ZNF704: variants seen among roughly 807,000 people sequenced by gnomAD.
ZNF704 encodes the protein zinc finger protein 704.
A neutral mutation model predicts 44.7 loss-of-function variants in ZNF704; 10 were observed. The observed-to-expected ratio is 0.22, with a 90% CI of 0.14 to 0.38. ZNF704 has a LOEUF of 0.38. Among genes scored for constraint, ZNF704 ranks in the 10% least tolerant of loss-of-function variants. The pLI, the probability that ZNF704 is intolerant of heterozygous loss-of-function variation, is 1.00. For synonymous variants in ZNF704, 211 were observed against 207.6 expected, an observed-to-expected ratio of 1.02 and a Z score of -0.14; for missense variants, 390 against 545.5, an observed-to-expected ratio of 0.71 and a Z score of 2.84.
chr8:80,725,695 T>C (rs779173958), intron 2 of ZNF704, among the ~76,000 whole-genome samples: 1 of 152,138 alleles, frequency 6.6e-6, no homozygotes, highest in Non-Finnish European at 1.5e-5. Context: ...ATATCCTTCA[T>C]GAAAAATAGA....
chr8:80,694,354 C>T (rs1223018824), intron 2 of ZNF704: 1 of 152,110 alleles, frequency 6.6e-6, no homozygotes, highest in Non-Finnish European at 1.5e-5. Context: ...CCGGAGTCAA[C>T]TTGTTTAAGC....
intron 2 of ZNF704, among the ~76,000 whole-genome samples, chr8:80,793,084 G>A (rs1344492977): frequency 6.6e-6 from 1 of 152,170 alleles, no homozygotes; most frequent in Non-Finnish European, 1.5e-5. Context: ...AATATTTGCT[G>A]ACTAAAAATG....
intron 5 of ZNF704, among the ~76,000 whole-genome samples, chr8:80,669,820 C>A (rs1409423078): frequency 1.3e-5 from 2 of 152,144 alleles, no homozygotes; most frequent in Non-Finnish European, 2.9e-5. Context: ...GACGGAATAC[C>A]ACTGCCCCCC....
chr8:80,775,949 G>A (rs1807403715), intron 2 of ZNF704, among the ~76,000 whole-genome samples: 1 of 152,004 alleles, frequency 6.6e-6, no homozygotes, highest in East Asian at 1.9e-4. Context: ...TCATAAAGTG[G>A]GCTTTAAAAT....
intron 2 of ZNF704, among the ~76,000 whole-genome samples, chr8:80,785,628 C>G (rs1807601838): frequency 6.6e-6 from 1 of 152,216 alleles, no homozygotes; most frequent in African/African-American, 2.4e-5. Flanking sequence ...CTGTCCCCAG[C>G]TTTAGCCACT....
chr8:80,691,870 T>C (rs1350009118), intron 3 of ZNF704, among the ~76,000 whole-genome samples: 1 of 152,178 alleles, frequency 6.6e-6, no homozygotes, highest in Non-Finnish European at 1.5e-5. Context: ...CCAGTGAATG[T>C]CCTCCCCTTG....
chr8:80,878,041 C>T (rs555473077), upstream of ZNF704, among the ~76,000 whole-genome samples: 1 of 152,152 alleles, frequency 6.6e-6, no homozygotes, highest in South Asian at 2.1e-4. Context: ...CCATTCTCCC[C>T]TACTGTCCGC....
intron 1 of ZNF704, among the ~76,000 whole-genome samples, chr8:80,867,175 G>A (rs760606539): frequency 2.0e-5 from 3 of 152,086 alleles, no homozygotes; most frequent in Admixed American, 6.5e-5. Flanking sequence ...CTGTGTATAC[G>A]TGTCCCTTGG....
At chr8:80,833,118 C>T (rs1236428741) in intron 1 of ZNF704, among the ~76,000 whole-genome samples, 6 of 152,252 alleles carry the variant, frequency 3.9e-5, no homozygotes, top group Middle Eastern at 3.4e-3. Context: ...GAGGTCAAGG[C>T]GGGTGGATCA....
chr8:80,839,176 C>T (rs1050310961), intron 1 of ZNF704, among the ~76,000 whole-genome samples: 3 of 152,206 alleles, frequency 2.0e-5, no homozygotes, highest in Admixed American at 6.5e-5. Context: ...ACTAACCTAA[C>T]GCCTCTAATT....
intron 2 of ZNF704, among the ~76,000 whole-genome samples, chr8:80,709,300 C>T (rs970674096): frequency 5.3e-5 from 8 of 151,698 alleles, no homozygotes; most frequent in South Asian, 2.1e-4. Flanking sequence ...AAAAATTAGC[C>T]GAGCATGGTG....
intron 2 of ZNF704, among the ~76,000 whole-genome samples, chr8:80,706,183 T>C (rs967101553): frequency 2.0e-5 from 3 of 152,204 alleles, no homozygotes; most frequent in African/African-American, 7.2e-5. Context: ...TGGGGTTAAG[T>C]ATGTTATTGC....
At chr8:80,854,280 C>G (rs2130012471) in intron 1 of ZNF704, among the ~76,000 whole-genome samples, 1 of 152,304 alleles carries the variant, frequency 6.6e-6, no homozygotes. Flanking sequence ...TAAAGCTTCT[C>G]TCTCTAGTGA....
At chr8:80,815,500 T>C (rs1379241544) in intron 2 of ZNF704, among the ~76,000 whole-genome samples, 1 of 152,236 alleles carries the variant, frequency 6.6e-6, no homozygotes, top group Non-Finnish European at 1.5e-5. Context: ...TGATCTAGGT[T>C]ATCTAACAAT....
chr8:80,813,740 G>C (rs540352855), intron 2 of ZNF704, among the ~76,000 whole-genome samples: 2 of 152,066 alleles, frequency 1.3e-5, no homozygotes, highest in Admixed American at 6.6e-5. Context: ...TTAGCCAGGC[G>C]TGGTGGTGGG....
chr8:80,876,272 A>G (rs946390208), upstream of ZNF704, among the ~76,000 whole-genome samples: 2 of 152,202 alleles, frequency 1.3e-5, no homozygotes. Context: ...AAGAAAACAG[A>G]ACATTAAGAG....
rs184192367 is a variant in ZNF704, at chr8:80,750,703, C to T, written c.222-57596G>A. On this transcript the variant is annotated intron_variant, in intron 2 of 8. Coordinates refer to ENST00000327835, the MANE Select transcript of ZNF704 (RefSeq NM_001033723.3). ...GCTAATTTTGTATTTTTAGTAGAGA[C>T]GGGGTTTCACCATGTTGGCCAGGCT... 1.0e-3 allele frequency among the ~76,000 whole-genome samples: 159 copies of T among 152,124 alleles called. 2 individuals are homozygous for T. The East Asian group carries it at 0.026, about 25-fold the overall frequency.
Position 80,664,938 on chromosome 8 carries a change from G to GA in ZNF704, c.803dup (p.Ile270HisfsTer17). ...CTGTTCGGCTTGAATCTGGGATGGG[G>GA]AAAGTAGGAGGTGAAGCCAGGGACT... On this transcript the variant is annotated frameshift_variant, in exon 6 of 9. Transcript: ENST00000327835. LOFTEE classifies it high-confidence loss of function. The GA allele has an allele frequency of 6.2e-7, 1 of 1,614,202 alleles. No individual in the cohort carries two copies. The highest frequency in any genetic ancestry group is 8.5e-7 in the Non-Finnish European group (1 of 1,180,034).
chr8:80,691,906 T>C (rs1192890546), intron 3 of ZNF704, among the ~76,000 whole-genome samples: 1 of 152,198 alleles, frequency 6.6e-6, no homozygotes, highest in African/African-American at 2.4e-5. Flanking sequence ...TGCCTGGAAG[T>C]CATCCTTGAC....
Sources: gnomAD v4.1 joint callset for allele counts (sites outside exome capture counted in the v4.1 genomes callset) on GRCh38, gnomAD v4.1.1 for gene constraint, MANE v1.5 for transcripts, NCBI Gene and HGNC (gene_info 2026-07-23, HGNC 2026-07-21) for gene names.